DLGAP1: variants seen among roughly 807,000 people sequenced by gnomAD.
DLGAP1 encodes disks large-associated protein 1.
Under a neutral mutation model 90.8 loss-of-function variants are expected in DLGAP1, and 11 were observed. That is an observed-to-expected ratio of 0.12 (90% confidence interval 0.08 to 0.20). The LOEUF is 0.20. Ranked by LOEUF, DLGAP1 falls within the 10% of genes least tolerant of loss-of-function variation. The pLI is 1.00. For synonymous variants in DLGAP1, 558 were observed against 540.7 expected (o/e 1.03, Z -0.44); for missense variants, 1,050 against 1,333.8 (o/e 0.79, Z 3.31).
rs1277410704 is a variant in DLGAP1 at position 4,373,103 on chromosome 18, T to C, written c.-267+81903A>G. Reference sequence around the variant, plus strand: ...AAAGTTTGGCCTTTATTCTGCTTAGTGTAGACAGTGGGCAGCCACTGAGTA... The same window carrying C: ...AAAGTTTGGCCTTTATTCTGCTTAGCGTAGACAGTGGGCAGCCACTGAGTA... On this transcript the variant is annotated intron_variant, in intron 1 of 12. Coordinates refer to ENST00000315677, the MANE Select transcript of DLGAP1 (RefSeq NM_004746.4). Among the ~76,000 whole-genome samples the C allele has an allele frequency of 2.6e-5, 4 of 152,290 alleles. No individual in the cohort carries two copies. The East Asian group carries it at 5.8e-4, about 22-fold the overall frequency.
At position 4,361,119 on chromosome 18, in the gene DLGAP1, A is replaced by T. The variant is rs1295726350; in HGVS notation, c.-267+93887T>A. Among the ~76,000 whole-genome samples, 3 of 152,170 alleles carry T rather than the reference A, an allele frequency of 2.0e-5. No individual in the cohort carries two copies. The East Asian group carries it at 5.8e-4, about 29-fold the overall frequency. On this transcript the variant is annotated intron_variant, in intron 1 of 12. Coordinates refer to ENST00000315677, the MANE Select transcript of DLGAP1 (RefSeq NM_004746.4). Reference sequence around the variant, plus strand: ...ATTTTGGAAGAAACTTTCTGAAGAAAATTTCAGAAGAGGGCTTCAGGGAGT... The same window carrying T: ...ATTTTGGAAGAAACTTTCTGAAGAATATTTCAGAAGAGGGCTTCAGGGAGT...
chr18:3,669,255 G>A (rs1024981357), intron 7 of DLGAP1, among the ~76,000 whole-genome samples: 3 of 152,158 alleles, frequency 2.0e-5, no homozygotes, highest in Non-Finnish European at 2.9e-5. Flanking sequence ...AGGGAAGAGC[G>A]TGATGCCTTT....
intron 3 of DLGAP1, among the ~76,000 whole-genome samples, chr18:3,920,090 C>T (rs1363930506): frequency 6.6e-6 from 1 of 152,130 alleles, no homozygotes; most frequent in Non-Finnish European, 1.5e-5. Context: ...TGCCTGTAAT[C>T]CTAGCACTTT....
rs868193375 is a variant in DLGAP1, at chr18:3,561,284, C to A, written c.2057+6206G>T. Among the ~76,000 whole-genome samples the A allele has an allele frequency of 4.5e-3, 552 of 122,762 alleles. 18 individuals carry two copies. Among genetic ancestry groups the A allele is most frequent in the African/African-American group, 0.012 (370 of 31,834 alleles). The allele number at this position is 122,762 out of a possible 152,430, so 80.5% of individuals were successfully genotyped here. ...AAAAAAACAAAAAAAAAAAAACAAA[C>A]AAAAAATAGCCAGATGTGGCAGGTG... On this transcript the variant is annotated intron_variant, in intron 9 of 12. Transcript: ENST00000315677.
intron 1 of DLGAP1, among the ~76,000 whole-genome samples, chr18:4,222,572 T>A (rs1465141022): frequency 6.6e-6 from 1 of 152,032 alleles, no homozygotes; most frequent in Non-Finnish European, 1.5e-5. Flanking sequence ...TGGAGTAATA[T>A]AAAAACTAAA....
chr18:3,776,756 A>G (rs1316118329), intron 5 of DLGAP1, among the ~76,000 whole-genome samples: 1 of 152,214 alleles, frequency 6.6e-6, no homozygotes, highest in Non-Finnish European at 1.5e-5. Context: ...AAACAAAAAC[A>G]ATTCAAAGAG....
rs1242614848 is a variant in DLGAP1, at chr18:4,383,934, T to C, written c.-267+71072A>G. ...GACTCAGGGAAATGGAAAAGATTAGTGTAAAACACCCTTTCACTCTGCTAA... is the reference window on the plus strand; with the variant it reads ...GACTCAGGGAAATGGAAAAGATTAGCGTAAAACACCCTTTCACTCTGCTAA... On this transcript the variant is annotated intron_variant, in intron 1 of 12. Coordinates refer to ENST00000315677, the MANE Select transcript of DLGAP1 (RefSeq NM_004746.4). This position sits in a 1 kb window ranked among gnomAD's most constrained non-coding sequence, Gnocchi z 4.0. 1.3e-5 allele frequency among the ~76,000 whole-genome samples: 2 copies of C among 152,210 alleles called. No homozygotes were observed. The highest frequency in any genetic ancestry group is 3.9e-4 in the East Asian group (2 of 5,176).
intron 1 of DLGAP1, among the ~76,000 whole-genome samples, chr18:4,358,214 G>A (rs2081563146): frequency 6.6e-6 from 1 of 152,122 alleles, no homozygotes; most frequent in Admixed American, 6.5e-5. Flanking sequence ...CAAACAAACA[G>A]ATAAACAATA....
At chr18:3,589,827 A>C (rs1160543362) in intron 7 of DLGAP1, among the ~76,000 whole-genome samples, 4 of 152,194 alleles carry the variant, frequency 2.6e-5, no homozygotes, top group African/African-American at 9.7e-5. Flanking sequence ...GCCTTGGTCC[A>C]CTGTCTAAAA....
At chr18:4,266,253 A>G (rs1451152435) in intron 1 of DLGAP1, among the ~76,000 whole-genome samples, 4 of 152,214 alleles carry the variant, frequency 2.6e-5, no homozygotes, top group Admixed American at 6.5e-5. Context: ...ATCCAACTAT[A>G]CAGCCCTCAA....
intron 9 of DLGAP1, among the ~76,000 whole-genome samples, chr18:3,542,375 A>G (rs1313919741): frequency 6.6e-6 from 1 of 152,194 alleles, no homozygotes; most frequent in African/African-American, 2.4e-5. Context: ...TGGAGAGTTG[A>G]TGAGGCAGAA....
chr18:4,404,193 C>T (rs1418731395), intron 1 of DLGAP1, among the ~76,000 whole-genome samples: 1 of 152,164 alleles, frequency 6.6e-6, no homozygotes, highest in Non-Finnish European at 1.5e-5. Context: ...ATGAGTATTT[C>T]ACTGTATATG....
At chr18:4,321,003 G>A (rs936710165) in intron 1 of DLGAP1, among the ~76,000 whole-genome samples, 2 of 152,128 alleles carry the variant, frequency 1.3e-5, no homozygotes, top group Non-Finnish European at 2.9e-5. Flanking sequence ...AAGTGCAAAT[G>A]AAAAATATTT....
rs369412116 is a variant in DLGAP1, at chr18:4,286,566, G to A, written c.-266-135279C>T. 1.6e-4 allele frequency among the ~76,000 whole-genome samples: 25 copies of A among 152,234 alleles called. 2 individuals are homozygous for A. In the South Asian group the frequency reaches 1.9e-3, roughly 11 times the overall value. The stretch of plus-strand genomic sequence containing the variant: ...AGCCGTTTAGCACAGGATTAAAAGC[G>A]TCAGAGGGTCTTGCTGGGGATGGGG... On this transcript the variant is annotated intron_variant, in intron 1 of 12. Coordinates refer to ENST00000315677, the MANE Select transcript of DLGAP1 (RefSeq NM_004746.4).
intron 2 of DLGAP1, among the ~76,000 whole-genome samples, chr18:4,081,406 A>G (rs1453199718): frequency 6.6e-6 from 1 of 152,004 alleles, no homozygotes; most frequent in Non-Finnish European, 1.5e-5. Flanking sequence ...ATTTTCTTAT[A>G]CTTCTTACTC....
At chr18:3,965,517 A>G (rs762285477) in intron 3 of DLGAP1, among the ~76,000 whole-genome samples, 2 of 152,240 alleles carry the variant, frequency 1.3e-5, no homozygotes, top group Non-Finnish European at 2.9e-5. Flanking sequence ...ATACTGGAGT[A>G]GGTTGTGATC....
At chr18:4,281,983 A>T (rs1784716) in intron 1 of DLGAP1, among the ~76,000 whole-genome samples, 36,959 of 152,128 alleles carry the variant, frequency 0.24, 4,727 homozygotes, top group African/African-American at 0.31. Flanking sequence ...AGTACTTATA[A>T]CTTTAAGAAA....
intron 5 of DLGAP1, among the ~76,000 whole-genome samples, chr18:3,766,476 TCAAA>T (rs1356544867): frequency 6.6e-6 from 1 of 151,924 alleles, no homozygotes; most frequent in African/African-American, 2.4e-5. Context: ...ACCAATAGAC[TCAAA>T]CAGACATTAG....
rs1347188113 is a variant in DLGAP1, at chr18:3,496,783, A to G, written c.*2402T>C. ...TGTGTGGGGTCATGTTCTAACACCA[A>G]TAATTAGCTTTTTATAAAGTGTTTG... is the stretch of plus-strand genomic sequence containing the variant. On this transcript the variant is annotated 3_prime_UTR_variant, in exon 13 of 13. Coordinates refer to ENST00000315677, the MANE Select transcript of DLGAP1 (RefSeq NM_004746.4). 1 of 152,230 alleles carries G rather than the reference A, an allele frequency of 6.6e-6. No homozygotes were observed. The highest frequency in any genetic ancestry group is 1.9e-4 in the East Asian group (1 of 5,204). 9.4% of individuals were successfully genotyped at this position (152,230 alleles called of 1,614,324 possible).
Sources: allele counts gnomAD v4.1 joint callset (sites outside exome capture counted in the v4.1 genomes callset), GRCh38; gene constraint gnomAD v4.1.1; non-coding constraint Gnocchi (gnomAD v3.1); transcripts MANE v1.5; gene names NCBI Gene and HGNC (gene_info 2026-07-23, HGNC 2026-07-21).